The following EDIL3 variants were observed in gnomAD, a reference collection of about 807,000 sequenced individuals.
The protein encoded by EDIL3 is EGF-like repeat and discoidin I-like domain-containing protein 3.
In EDIL3, 37 loss-of-function variants were observed where a neutral mutation model predicts 67.4. The observed-to-expected ratio is 0.55, with a 90% CI of 0.42 to 0.72. The LOEUF (loss-of-function observed/expected upper bound fraction) is 0.72, where lower values mean the gene tolerates loss of function less well. EDIL3 is among the 30% of genes least tolerant of loss of function. The pLI, the probability that EDIL3 is intolerant of heterozygous loss-of-function variation, is 0.00. For synonymous variants in EDIL3, 195 were observed against 196.3 expected (o/e 0.99, Z 0.05); for missense variants, 527 against 586.3 (o/e 0.90, Z 1.04).
At chr5:84,165,318 A>T (rs1397711227) in intron 4 of EDIL3, among the ~76,000 whole-genome samples, 1 of 152,116 alleles carries the variant, frequency 6.6e-6, no homozygotes, top group African/African-American at 2.4e-5. Context: ...AAGAAAAGAA[A>T]CTACACACCT....
intron 7 of EDIL3, among the ~76,000 whole-genome samples, chr5:84,066,001 G>C (rs1561420364): frequency 6.6e-6 from 1 of 151,554 alleles, no homozygotes; most frequent in Non-Finnish European, 1.5e-5. Context: ...TGTAGTCCCA[G>C]CTACTCAGAA....
chr5:84,017,506 C>T (rs1001693678), intron 9 of EDIL3, among the ~76,000 whole-genome samples: 5 of 152,050 alleles, frequency 3.3e-5, no homozygotes, highest in African/African-American at 1.2e-4. Flanking sequence ...TATGTGAGGA[C>T]CAAAGTCACT....
At chr5:83,985,430 A>C (rs1745042547) in intron 9 of EDIL3, among the ~76,000 whole-genome samples, 1 of 152,080 alleles carries the variant, frequency 6.6e-6, no homozygotes, top group Non-Finnish European at 1.5e-5. Flanking sequence ...GTTTACACTT[A>C]ATATTTTTTG....
intron 9 of EDIL3, among the ~76,000 whole-genome samples, chr5:84,014,970 T>C (rs1052734652): frequency 4.6e-5 from 7 of 152,128 alleles, no homozygotes; most frequent in African/African-American, 1.7e-4. Flanking sequence ...TTGGACAGAG[T>C]GCACAGTGAT....
chr5:84,289,459 G>A (rs757974519), intron 1 of EDIL3, among the ~76,000 whole-genome samples: 4 of 151,980 alleles, frequency 2.6e-5, no homozygotes, highest in Non-Finnish European at 5.9e-5. Context: ...TTCTCTTAAC[G>A]AGCTCTTTCT....
At chr5:84,091,596 G>C (rs1283778231) in intron 6 of EDIL3, among the ~76,000 whole-genome samples, 32 of 152,128 alleles carry the variant, frequency 2.1e-4, no homozygotes, top group Non-Finnish European at 4.4e-5. Context: ...TGAGGCACTG[G>C]GGCAGAACAA....
chr5:83,983,825 T>C (rs947481115), intron 9 of EDIL3, among the ~76,000 whole-genome samples: 3 of 148,438 alleles, frequency 2.0e-5, no homozygotes, highest in African/African-American at 7.5e-5. Flanking sequence ...AATGGCAGCA[T>C]ACAGGAATAG....
chr5:83,980,930 C>G (rs1430898403), intron 9 of EDIL3, among the ~76,000 whole-genome samples: 1 of 151,668 alleles, frequency 6.6e-6, no homozygotes, highest in African/African-American at 2.4e-5. Context: ...AGGATAAATT[C>G]AACAAAGGAA....
At chr5:83,979,413 C>T (rs540807867) in intron 9 of EDIL3, among the ~76,000 whole-genome samples, 1 of 152,144 alleles carries the variant, frequency 6.6e-6, no homozygotes, top group East Asian at 1.9e-4. Flanking sequence ...CACTCCTAGA[C>T]ATATTTCTGA....
chr5:84,117,230 C>T (rs1177943104), intron 5 of EDIL3, among the ~76,000 whole-genome samples: 7 of 151,738 alleles, frequency 4.6e-5, no homozygotes, highest in Admixed American at 6.6e-5. Flanking sequence ...CGGGGTTTCA[C>T]CGTGTTAGCC....
At chr5:84,050,625 C>T (rs1746317489) in intron 9 of EDIL3, among the ~76,000 whole-genome samples, 1 of 152,202 alleles carries the variant, frequency 6.6e-6, no homozygotes, top group Admixed American at 6.5e-5. Flanking sequence ...TAATATTGTG[C>T]TTTTCCAGTG....
At chr5:84,038,894 G>A (rs1488654059) in intron 9 of EDIL3, among the ~76,000 whole-genome samples, 1 of 152,176 alleles carries the variant, frequency 6.6e-6, no homozygotes, top group African/African-American at 2.4e-5. Flanking sequence ...AAGAGGCAGG[G>A]AAAATAACTC....
intron 1 of EDIL3, among the ~76,000 whole-genome samples, chr5:84,378,988 G>A (rs1748025246): frequency 6.6e-6 from 1 of 152,140 alleles, no homozygotes; most frequent in Admixed American, 6.5e-5. Flanking sequence ...TACAGTAGAT[G>A]TTGTGTCCTA....
chr5:83,946,616 A>G (rs1580246468), intron 10 of EDIL3, among the ~76,000 whole-genome samples: 1 of 152,086 alleles, frequency 6.6e-6, no homozygotes, highest in East Asian at 1.9e-4. Context: ...TGTTTCTAGC[A>G]GCATTAATAC....
At chr5:83,987,053 G>A (rs2112155036) in intron 9 of EDIL3, among the ~76,000 whole-genome samples, 2 of 152,210 alleles carry the variant, frequency 1.3e-5, no homozygotes, top group Middle Eastern at 6.8e-3. Flanking sequence ...AAGGTAATTA[G>A]GTTTTCACCA....
intron 9 of EDIL3, among the ~76,000 whole-genome samples, chr5:83,973,754 G>T (rs1485402390): frequency 6.6e-6 from 1 of 151,982 alleles, no homozygotes. Flanking sequence ...TCAATATGTA[G>T]AACTACATGC....
At chr5:84,073,880 G>C (rs976879373) in intron 6 of EDIL3, among the ~76,000 whole-genome samples, 7 of 152,034 alleles carry the variant, frequency 4.6e-5, no homozygotes, top group African/African-American at 1.7e-4. Flanking sequence ...AAAAGAGCCT[G>C]CATTGCCAAG....
intron 9 of EDIL3, among the ~76,000 whole-genome samples, chr5:84,010,390 T>C (rs1031628562): frequency 2.0e-5 from 3 of 152,214 alleles, no homozygotes; most frequent in Non-Finnish European, 2.9e-5. Context: ...GCTTGTGTAC[T>C]TCCCTATCAT....
chr5:83,958,864 TA>T (rs1744559690), intron 10 of EDIL3, among the ~76,000 whole-genome samples: 2 of 151,438 alleles, frequency 1.3e-5, no homozygotes, highest in East Asian at 3.9e-4. Context: ...GACTTTCAAA[TA>T]AAAATGTACC....
Sources: gnomAD v4.1 joint callset for allele counts (sites outside exome capture counted in the v4.1 genomes callset) on GRCh38, gnomAD v4.1.1 for gene constraint, MANE v1.5 for transcripts, NCBI Gene and HGNC (gene_info 2026-07-23, HGNC 2026-07-21) for gene names.